The following IFT122 variants were observed in gnomAD, a reference collection of about 807,000 sequenced individuals.
IFT122 encodes intraflagellar transport protein 122 homolog.
Under a neutral mutation model 161.6 loss-of-function variants are expected in IFT122, and 118 were observed. The observed-to-expected ratio is 0.73, with a 90% CI of 0.63 to 0.85. The LOEUF (loss-of-function observed/expected upper bound fraction) is 0.85. Among genes scored for constraint, IFT122 ranks in the 40% least tolerant of loss-of-function variants. The pLI, the probability that IFT122 is intolerant of heterozygous loss-of-function variation, is 0.00. For missense variants in IFT122, 1,381 were observed against 1,579.6 expected, an observed-to-expected ratio of 0.87 and a Z score of 2.13; for synonymous variants, 550 against 602.4, an observed-to-expected ratio of 0.91 and a Z score of 1.27.
At position 129,483,625 on chromosome 3, in the gene IFT122, T is replaced by C. The variant is rs752602061; in HGVS notation, c.1794T>C (p.Asn598=). 1.9e-6 allele frequency: 3 copies of C among 1,613,422 alleles called. No homozygotes were observed. The highest frequency in any genetic ancestry group is 1.7e-6 in the Non-Finnish European group (2 of 1,179,654). The change falls in exon 15 of 30, where the codon AAT becomes AAC. Residue 598 remains asparagine, a synonymous_variant. Transcript: ENST00000348417. ...TGCAGGGCTTTGTGGTCGGCTACAA[T>C]GGCTCCAAGATCTTCTGCCTCCATG... ...QKLQGFVVGY[N]GSKIFCLHVF...
At chr3:129,449,981 T>G (rs2074555574) in intron 2 of IFT122, 44 bp downstream of exon 2, 2 of 1,217,260 alleles carry the variant, frequency 1.6e-6, no homozygotes, top group Non-Finnish European at 2.4e-6. Context: ...TTCCCTAACC[T>G]CCCTCTTGTG....
At chr3:129,498,210 A>G (rs1559967186) in intron 18 of IFT122, among the ~76,000 whole-genome samples, 1 of 152,210 alleles carries the variant, frequency 6.6e-6, no homozygotes, top group Non-Finnish European at 1.5e-5. Context: ...CTGAGTGACC[A>G]GCTGGCCTAG....
intron 13 of IFT122, among the ~76,000 whole-genome samples, chr3:129,481,111 C>T (rs2078585739): frequency 6.6e-6 from 1 of 152,170 alleles, no homozygotes; most frequent in South Asian, 2.1e-4. Flanking sequence ...TGATAGCTAT[C>T]ATGATCACTA....
rs2082038240 is a variant in IFT122 at position 129,504,963 on chromosome 3, C to T, written c.2650+542C>T. On this transcript the variant is annotated intron_variant, in intron 21 of 29. Coordinates refer to ENST00000348417, the MANE Select transcript of IFT122 (RefSeq NM_052989.3). ...ATTTCTGGCTCAGATAAACGGGTGA[C>T]TTCTGCTCCTCAAGAATTCTGTTGG... Among the ~76,000 whole-genome samples the T allele has an allele frequency of 3.9e-5, 6 of 152,304 alleles. No homozygotes were observed. In the South Asian group the frequency reaches 1.2e-3, roughly 32 times the overall value.
intron 6 of IFT122, among the ~76,000 whole-genome samples, 196 bp downstream of exon 6, chr3:129,463,822 C>T (rs2076432148): frequency 6.6e-6 from 1 of 152,228 alleles, no homozygotes; most frequent in African/African-American, 2.4e-5. Flanking sequence ...AAGAGAACTA[C>T]AAGTTGCCTT....
At chr3:129,441,079 T>C (rs1177243802) in intron 1 of IFT122, among the ~76,000 whole-genome samples, 1 of 152,236 alleles carries the variant, frequency 6.6e-6, no homozygotes, top group Non-Finnish European at 1.5e-5. Context: ...CTTTGTCACC[T>C]TTTGATTCAG....
intron 1 of IFT122, among the ~76,000 whole-genome samples, chr3:129,447,883 C>T (rs1250302169): frequency 6.6e-6 from 1 of 152,200 alleles, no homozygotes; most frequent in Admixed American, 6.5e-5. Context: ...GTCAGAGGCC[C>T]ACTTCCCGTC....
At chr3:129,515,721 G>A (rs894964878) in intron 26 of IFT122, 122 bp downstream of exon 26, 3 of 846,464 alleles carry the variant, frequency 3.5e-6, no homozygotes, top group African/African-American at 3.4e-5. Context: ...CCCTGTTTAT[G>A]AAATGAGGAC....
chr3:129,518,058 C>T (rs959776598), intron 27 of IFT122, among the ~76,000 whole-genome samples: 4 of 152,240 alleles, frequency 2.6e-5, no homozygotes, highest in East Asian at 1.9e-4. Context: ...CCTGGCCCAG[C>T]GCTCAGTCTG....
chr3:129,518,539 C>A (rs1261540942), intron 27 of IFT122, among the ~76,000 whole-genome samples: 1 of 152,210 alleles, frequency 6.6e-6, no homozygotes, highest in Non-Finnish European at 1.5e-5. Context: ...GCCACCCAGG[C>A]TCCCTCAGGT....
intron 1 of IFT122, among the ~76,000 whole-genome samples, 177 bp downstream of exon 1, chr3:129,440,548 C>G (rs1434889430): frequency 1.3e-5 from 2 of 152,168 alleles, no homozygotes; most frequent in African/African-American, 4.8e-5. Context: ...GAGAAACTCC[C>G]GAGGGTTGGA....
chr3:129,519,430 T>C, intron 28 of IFT122, 138 bp from the exon 29 acceptor site: 1 of 1,232,366 alleles, frequency 8.1e-7, no homozygotes, highest in Non-Finnish European at 1.1e-6. Context: ...TGGGAGGAGC[T>C]TGCCACTGTT....
chr3:129,458,342 T>C (rs1705712565), intron 3 of IFT122, among the ~76,000 whole-genome samples: 1 of 152,212 alleles, frequency 6.6e-6, no homozygotes, highest in Non-Finnish European at 1.5e-5. Flanking sequence ...TTTTAATCAT[T>C]ACTTAATCCC....
rs9840794 is a variant in IFT122 at position 129,491,860 on chromosome 3, G to A, written c.1993-281G>A. Among the ~76,000 whole-genome samples, 1,970 of 152,250 alleles carry A rather than the reference G, an allele frequency of 0.013. 35 individuals are homozygous for A. The highest frequency in any genetic ancestry group is 0.042 in the African/African-American group (1,760 of 41,530). ...GTCTAGAGTCTCCCAAGGAGGCACCGCCACAGACTGTGGCATCACGGTTTT... is the reference window on the plus strand; with the variant it reads ...GTCTAGAGTCTCCCAAGGAGGCACCACCACAGACTGTGGCATCACGGTTTT... On this transcript the variant is annotated intron_variant, in intron 16 of 29. Transcript: ENST00000348417.
rs2107774244 is a variant in IFT122, at chr3:129,440,345, G to A, written c.15G>A (p.Leu5=). The A allele has an allele frequency of 6.4e-7, 1 of 1,550,924 alleles. No homozygotes were observed. Among genetic ancestry groups the A allele is most frequent in the East Asian group, 2.4e-5 (1 of 40,920 alleles). The change falls in exon 1 of 30, where the codon TTG becomes TTA. Residue 5 remains leucine (L), a synonymous_variant. Coordinates refer to ENST00000348417, the MANE Select transcript of IFT122 (RefSeq NM_052989.3). The stretch of plus-strand genomic sequence containing the variant: ...GGGAAGCCGTGATGAGGGCCGTGTT[G>A]ACGTGGAGAGATAAAGCCGAGCACT... MRAV[L]TWRDKAEHCI...
At chr3:129,467,170 C>A in intron 8 of IFT122, 104 bp downstream of exon 8, 1 of 1,064,284 alleles carries the variant, frequency 9.4e-7, no homozygotes, top group Non-Finnish European at 1.4e-6. Flanking sequence ...AGTGCAGGGA[C>A]TAGGGGGAAC....
intron 3 of IFT122, among the ~76,000 whole-genome samples, chr3:129,455,324 C>T (rs1407497087): frequency 6.6e-6 from 1 of 152,044 alleles, no homozygotes; most frequent in Non-Finnish European, 1.5e-5. Context: ...AGGCACGCGC[C>T]ACCATGCCTA....
In IFT122 at chr3:129,462,623, C is replaced by T. The variant is rs115775972; in HGVS notation, c.350-937C>T. 3.4e-3 allele frequency among the ~76,000 whole-genome samples: 520 copies of T among 152,310 alleles called. 2 individuals are homozygous for T. The highest frequency in any genetic ancestry group is 0.012 in the African/African-American group (499 of 41,560). On this transcript the variant is annotated intron_variant, in intron 5 of 29. Transcript: ENST00000348417. ...GTGGAACACAGATAACATGTGCACA[C>T]GTCAAAATGTTTGGAGGAAGCGTTC...
intron 14 of IFT122, among the ~76,000 whole-genome samples, chr3:129,482,350 C>T (rs572836270): frequency 1.3e-5 from 2 of 152,286 alleles, no homozygotes; most frequent in South Asian, 2.1e-4. Context: ...CTGCTGGGCT[C>T]GCGCCATTCT....
Sources: allele counts gnomAD v4.1 joint callset (sites outside exome capture counted in the v4.1 genomes callset), GRCh38; gene constraint gnomAD v4.1.1; transcripts MANE v1.5; gene names NCBI Gene and HGNC (gene_info 2026-07-23, HGNC 2026-07-21).